Variants in PLXNA4 observed in about 807,000 individuals in gnomAD.
PLXNA4 encodes plexin A4, also known as plexin-A4.
Under a neutral mutation model 191.8 loss-of-function variants are expected in PLXNA4, and 44 were observed. That is an observed-to-expected ratio of 0.23 (90% CI 0.18 to 0.29). The LOEUF (loss-of-function observed/expected upper bound fraction) is 0.29. PLXNA4 is among the 10% of genes least tolerant of loss of function. The pLI is 1.00. For synonymous variants in PLXNA4, 1,082 were observed against 1,009.5 expected, an observed-to-expected ratio of 1.07 and a Z score of -1.36; for missense variants, 1,800 against 2,488.8, an observed-to-expected ratio of 0.72 and a Z score of 5.89.
intron 3 of PLXNA4, among the ~76,000 whole-genome samples, chr7:132,311,304 G>A (rs1326332099): frequency 1.3e-5 from 2 of 151,966 alleles, no homozygotes; most frequent in Non-Finnish European, 2.9e-5. Context: ...AGAGTCTCCC[G>A]GTATGATTCG....
chr7:132,330,043 G>A (rs887503282), intron 3 of PLXNA4, among the ~76,000 whole-genome samples: 1 of 152,190 alleles, frequency 6.6e-6, no homozygotes, highest in Admixed American at 6.5e-5. Context: ...AAAGTGCCAC[G>A]GACATGCAGG....
At chr7:132,554,792 A>G (rs1462780550) in intron 1 of PLXNA4, among the ~76,000 whole-genome samples, 2 of 152,168 alleles carry the variant, frequency 1.3e-5, no homozygotes, top group African/African-American at 4.8e-5. Context: ...TATTGGAGGC[A>G]AGTGAGGACA....
chr7:132,264,775 G>GC (rs1799785529), intron 4 of PLXNA4, among the ~76,000 whole-genome samples: 1 of 149,356 alleles, frequency 6.7e-6, no homozygotes, highest in African/African-American at 2.5e-5. Flanking sequence ...TCGGCTCACT[G>GC]CAACCGCCGC....
intron 4 of PLXNA4, among the ~76,000 whole-genome samples, chr7:132,268,865 T>A (rs1382096316): frequency 1.3e-5 from 2 of 152,166 alleles, no homozygotes; most frequent in East Asian, 1.9e-4. Flanking sequence ...TGTCACCTTT[T>A]CCTGAGTCCC....
chr7:132,338,176 G>A (rs1021158913), intron 3 of PLXNA4, among the ~76,000 whole-genome samples: 2 of 152,304 alleles, frequency 1.3e-5, no homozygotes, highest in South Asian at 2.1e-4. Flanking sequence ...TGAAAGGACC[G>A]CAGGATGGAA....
intron 2 of PLXNA4, among the ~76,000 whole-genome samples, chr7:132,592,023 A>C (rs921643683): frequency 3.3e-5 from 5 of 152,112 alleles, no homozygotes; most frequent in African/African-American, 1.2e-4. Flanking sequence ...GGTGAACAAG[A>C]GCAAGGAGAG....
At chr7:132,443,572 C>T (rs1015814930) in intron 3 of PLXNA4, among the ~76,000 whole-genome samples, 1 of 152,146 alleles carries the variant, frequency 6.6e-6, no homozygotes, top group Non-Finnish European at 1.5e-5. Context: ...CGTGCTCAGT[C>T]AATACAAATA....
rs777653632 is a variant in PLXNA4, at chr7:132,226,274, T to G, written c.1883-14A>C. On this transcript the variant is annotated splice_polypyrimidine_tract_variant and intron_variant, in intron 7 of 31. Coordinates refer to ENST00000321063, the MANE Select transcript of PLXNA4 (RefSeq NM_020911.2). ...CATGGTGGTCCCCTACAAGGAGAGATGGCTGAGGGGTCAGGGAATGCTGAG... is the reference window on the plus strand; with the variant it reads ...CATGGTGGTCCCCTACAAGGAGAGAGGGCTGAGGGGTCAGGGAATGCTGAG... 6.2e-7 allele frequency: 1 copy of G among 1,606,358 alleles called. No individual in the cohort carries two copies. Among genetic ancestry groups the G allele is most frequent in the Admixed American group, 1.7e-5 (1 of 59,962 alleles).
chr7:132,293,361 G>T (rs1036856495), intron 4 of PLXNA4, among the ~76,000 whole-genome samples: 3 of 152,122 alleles, frequency 2.0e-5, no homozygotes, highest in Non-Finnish European at 2.9e-5. Flanking sequence ...CTTACATGGC[G>T]GCAGGGAAGA....
chr7:132,238,111 C>T (rs765783830), intron 5 of PLXNA4, among the ~76,000 whole-genome samples: 2 of 152,084 alleles, frequency 1.3e-5, no homozygotes, highest in Non-Finnish European at 2.9e-5. Flanking sequence ...CCATGGTGTG[C>T]CTTATGGAGA....
rs553365253 is a variant in PLXNA4, at chr7:132,374,506, G to A, written c.1372-76284C>T. Among the ~76,000 whole-genome samples the A allele has an allele frequency of 9.9e-5, 15 of 152,268 alleles. No individual in the cohort carries two copies. The South Asian group carries it at 3.1e-3, about 32-fold the overall frequency. ...GAGGGAAGGAAAGGGTGAGCAGCTG[G>A]TAATTAGAAGCTACTGGTGGGTATC... On this transcript the variant is annotated intron_variant, in intron 3 of 31. Coordinates refer to ENST00000321063, the MANE Select transcript of PLXNA4 (RefSeq NM_020911.2).
At chr7:132,613,734 A>C (rs1803098666) in intron 2 of PLXNA4, among the ~76,000 whole-genome samples, 1 of 152,236 alleles carries the variant, frequency 6.6e-6, no homozygotes, top group Non-Finnish European at 1.5e-5. Context: ...TCTATACCTG[A>C]AATAAAAAAA....
intron 2 of PLXNA4, among the ~76,000 whole-genome samples, chr7:132,502,137 G>A (rs17224513): frequency 0.07 from 10,678 of 152,238 alleles, 510 homozygotes; most frequent in Middle Eastern, 0.14. Flanking sequence ...TGGCCATTCC[G>A]GATGCTCACT....
At position 132,319,221 on chromosome 7, in the gene PLXNA4, T is replaced by A. The variant is rs550137674; in HGVS notation, c.1372-20999A>T. Among the ~76,000 whole-genome samples, 29 of 152,302 alleles carry A rather than the reference T, an allele frequency of 1.9e-4. No homozygotes were observed. In the South Asian group the frequency reaches 5.8e-3, roughly 31 times the overall value. On this transcript the variant is annotated intron_variant, in intron 3 of 31. Coordinates refer to ENST00000321063, the MANE Select transcript of PLXNA4 (RefSeq NM_020911.2). ...GTTTTCAGACTTAGCATAAAACCCCTGCAGAGCTTGTGAAAATGCAGCTTC... is the reference window on the plus strand; with the variant it reads ...GTTTTCAGACTTAGCATAAAACCCCAGCAGAGCTTGTGAAAATGCAGCTTC...
At position 132,130,086 on chromosome 7, in the gene PLXNA4, G is replaced by A. The variant is rs1794881685; in HGVS notation, c.*393C>T. ...TCAGACCAAAGCAGGGGCTGCCAAA[G>A]TGGAAGGTGAAGTAGCAGCACAGAA... On this transcript the variant is annotated 3_prime_UTR_variant, in exon 32 of 32. Transcript: ENST00000321063. 4.8e-6 allele frequency: 1 copy of A among 206,462 alleles called. No individual in the cohort carries two copies. Among genetic ancestry groups the A allele is most frequent in the Admixed American group, 5.1e-5 (1 of 19,606 alleles). 12.8% of individuals were successfully genotyped at this position (206,462 alleles called of 1,614,324 possible). A position where few individuals can be genotyped will look rare whatever the true frequency, so the allele number is the denominator to read the frequency against.
At chr7:132,175,117 T>G (rs544433770) in intron 20 of PLXNA4, among the ~76,000 whole-genome samples, 197 bp from the exon 21 acceptor site, 2 of 152,120 alleles carry the variant, frequency 1.3e-5, no homozygotes, top group Non-Finnish European at 2.9e-5. Context: ...GGGAGAAAGA[T>G]GTAGTGCAAG....
intron 3 of PLXNA4, among the ~76,000 whole-genome samples, chr7:132,369,034 C>T (rs1011496717): frequency 6.6e-6 from 1 of 152,210 alleles, no homozygotes; most frequent in African/African-American, 2.4e-5. Flanking sequence ...CCGCACACCT[C>T]CACATTTGAG....
intron 3 of PLXNA4, among the ~76,000 whole-genome samples, chr7:132,359,923 A>G (rs2116846582): frequency 6.6e-6 from 1 of 152,356 alleles, no homozygotes; most frequent in South Asian, 2.1e-4. Context: ...AGATGGCATA[A>G]TTGCCTGTCT....
At chr7:132,134,524 T>C (rs2341557) in intron 30 of PLXNA4, among the ~76,000 whole-genome samples, 86,066 of 152,144 alleles carry the variant, frequency 0.57, 28,801 homozygotes, top group East Asian at 0.82. Context: ...TGCAGATCTG[T>C]TGTTCTGCCT....
Sources: gnomAD v4.1 joint callset for allele counts (sites outside exome capture counted in the v4.1 genomes callset) on GRCh38, gnomAD v4.1.1 for gene constraint, MANE v1.5 for transcripts, NCBI Gene and HGNC (gene_info 2026-07-23, HGNC 2026-07-21) for gene names.